FASN: variants seen among roughly 807,000 people sequenced by gnomAD.
FASN encodes 3-hydroxyacyl-[acyl-carrier-protein] dehydratase.
A neutral mutation model predicts 250.0 loss-of-function variants in FASN; 50 were observed. The observed-to-expected ratio is 0.20, with a 90% CI of 0.16 to 0.25. The LOEUF (loss-of-function observed/expected upper bound fraction) is 0.25. Among genes scored for constraint, FASN ranks in the 10% least tolerant of loss-of-function variants. The pLI is 1.00. For missense variants in FASN, 3,031 were observed against 3,498.5 expected, an observed-to-expected ratio of 0.87 and a Z score of 3.37; for synonymous variants, 1,909 against 1,584.0, an observed-to-expected ratio of 1.21 and a Z score of -4.87.
chr17:82,080,446 T>C lies in FASN; in HGVS notation c.6971A>G (p.Gln2324Arg), dbSNP rs2033966480. The C allele has an allele frequency of 6.3e-7, 1 of 1,594,858 alleles. No individual in the cohort carries two copies. Among genetic ancestry groups the C allele is most frequent in the Non-Finnish European group, 8.5e-7 (1 of 1,171,532 alleles). ...GTTGTGGGTGGGGGCTGGGCTCTGC[T>C]GGGCCTGCAGCTGGGAGCACATTTC... is the stretch of plus-strand genomic sequence containing the variant. ...AFEMCSQLQA[Q>R]QSPAPTHNSL... The change falls in exon 40 of 43, where the codon CAG (glutamine) becomes CGG (arginine). Residue 2324 changes from glutamine (Q) to arginine (R), a missense_variant. By Grantham distance (43) the Gln-to-Arg change is conservative (BLOSUM62 1). Transcript: ENST00000306749.
intron 23 of FASN, 22 bp downstream of exon 23, chr17:82,085,460 T>C: frequency 6.3e-7 from 1 of 1,592,078 alleles, no homozygotes. Context: ...CCCCACCCTG[T>C]CCCCCTGCCC....
intron 2 of FASN, among the ~76,000 whole-genome samples, chr17:82,095,713 C>T (rs934938714): frequency 6.6e-6 from 1 of 152,182 alleles, no homozygotes; most frequent in Non-Finnish European, 1.5e-5. Context: ...TGAGATGGGC[C>T]GCAGAGCAGA....
intron 5 of FASN, 57 bp from the exon 6 acceptor site, chr17:82,093,076 C>T: frequency 6.2e-7 from 1 of 1,604,470 alleles, no homozygotes. Flanking sequence ...CCCCACCCCA[C>T]CAGGAGGAGC....
intron 7 of FASN, 28 bp downstream of exon 7, chr17:82,092,669 T>C: frequency 2.7e-6 from 2 of 750,240 alleles, no homozygotes; most frequent in Non-Finnish European, 3.7e-6. Context: ...CATGGGGTGG[T>C]GAGTGGGGCG....
intron 8 of FASN, among the ~76,000 whole-genome samples, 157 bp from the exon 9 acceptor site, chr17:82,091,841 G>A (rs1186780342): frequency 6.6e-6 from 1 of 152,150 alleles, no homozygotes; most frequent in Non-Finnish European, 1.5e-5. Flanking sequence ...CATGGCACAG[G>A]GGTCCGAGGA....
At position 82,096,442 on chromosome 17, in the gene FASN, C is replaced by T. The variant is rs1490548444; in HGVS notation, c.4G>A (p.Glu2Lys). 6.2e-7 allele frequency: 1 copy of T among 1,612,058 alleles called. No homozygotes were observed. The change falls in exon 2 of 43, where the codon GAG becomes AAG. Residue 2 changes from glutamate (E) to lysine (K), a missense_variant. By Grantham distance (56) the Glu-to-Lys change is moderately conservative (BLOSUM62 1). Transcript: ENST00000306749. Reference protein sequence around the residue: MEEVVIAGMSGK... With the variant: MKEVVIAGMSGK... ...GACATGCCGGCAATCACCACCTCCT[C>T]CATGGCTGCTCTGCAGGGCGGGCGG...
rs1183552568 is a variant in FASN at position 82,092,943 on chromosome 17, G to A, written c.732C>T (p.Ala244=). The A allele has an allele frequency of 3.7e-6, 6 of 1,609,752 alleles. No individual in the cohort carries two copies. In the Middle Eastern group the frequency reaches 4.9e-4, roughly 133 times the overall value. Residue 244 remains alanine, a synonymous_variant, in exon 6 of 43, where the codon GCC becomes GCT. Coordinates refer to ENST00000306749, the MANE Select transcript of FASN (RefSeq NM_004104.5). The part of the protein sequence containing the change: ...TKKSLARRVY[A]TILNAGTNTD... ...TATTGGTGCCGGCGTTCAGGATGGT[G>A]GCGTACACCCGCCGGGCCAGGGACT... is the stretch of plus-strand genomic sequence containing the variant.
At position 82,078,640 on chromosome 17, in the gene FASN, C is replaced by A. The variant is rs535079757; in HGVS notation, c.*503G>T. The A allele has an allele frequency of 7.8e-5, 17 of 217,400 alleles. No homozygotes were observed. The highest frequency in any genetic ancestry group is 3.2e-4 in the Admixed American group (6 of 18,920). 13.5% of individuals were successfully genotyped at this position (217,400 alleles called of 1,614,324 possible). A position where few individuals can be genotyped will look rare whatever the true frequency, so the allele number is the denominator to read the frequency against. ...CCTCGGGGACTGGCCCACGACCCCC[C>A]ACTCAGCGGGCTGAGCCAATGCCTG... On this transcript the variant is annotated 3_prime_UTR_variant, in exon 43 of 43. Transcript: ENST00000306749. This position sits in a 1 kb window ranked among gnomAD's most constrained non-coding sequence, Gnocchi z 5.4.
chr17:82,086,812 C>A (rs1167254582), intron 21 of FASN, among the ~76,000 whole-genome samples: 1 of 151,358 alleles, frequency 6.6e-6, no homozygotes, highest in South Asian at 2.1e-4. Flanking sequence ...TAGGCTGAAT[C>A]TGTCATCTTT....
Position 82,087,176 on chromosome 17 carries a change from A to C in FASN, c.3301T>G (p.Ser1101Ala), listed in dbSNP as rs2144793729. The C allele has an allele frequency of 6.2e-7, 1 of 1,609,048 alleles. No homozygotes were observed. Among genetic ancestry groups the C allele is most frequent in the Non-Finnish European group, 8.5e-7 (1 of 1,178,804 alleles). The change falls in exon 21 of 43, where the codon TCG becomes GCG. Residue 1101 changes from serine (S) to alanine (A), a missense_variant. Ser to Ala is a moderately conservative substitution (Grantham distance 99). Transcript: ENST00000306749. Reference protein sequence around the residue: ...GVHISGLHTESAPRRQQEQQV... With the variant: ...GVHISGLHTEAAPRRQQEQQV... Reference sequence around the variant, plus strand: ...TGCTCCTGCTGCCGCCGCGGGGCCGACTCAGTGTGGAGCCCGGAGATGTGG... The same window carrying C: ...TGCTCCTGCTGCCGCCGCGGGGCCGCCTCAGTGTGGAGCCCGGAGATGTGG...
At chr17:82,085,191 G>C in intron 24 of FASN, 35 bp from the exon 25 acceptor site, 1 of 1,612,402 alleles carries the variant, frequency 6.2e-7, no homozygotes. Context: ...GCCACACTCG[G>C]CAAGTTGGGA....
rs1250533640 is a variant in FASN, at chr17:82,092,757, C to A, written c.834G>T (p.Gln278His). 1 of 1,606,284 alleles carries A rather than the reference C, an allele frequency of 6.2e-7. No homozygotes were observed. The highest frequency in any genetic ancestry group is 8.5e-7 in the Non-Finnish European group (1 of 1,177,928). ...ATGACTCAGGGGCCACTCCGGCCGA[C>A]TGGTACAACGAGCGGATGAGCTGCT... is the stretch of plus-strand genomic sequence containing the variant. ...IQEQLIRSLY[Q>H]SAGVAPESFE... The change falls in exon 7 of 43, where the codon CAG becomes CAT. Residue 278 changes from glutamine to histidine, a missense_variant. Gln to His is a conservative substitution (Grantham distance 24). Transcript: ENST00000306749.
chr17:82,089,319 G>A lies in FASN; in HGVS notation c.2031C>T (p.Thr677=), dbSNP rs142888599. 63 of 1,612,754 alleles carry A rather than the reference G, an allele frequency of 3.9e-5. No homozygotes were observed. The African/African-American group carries it at 5.5e-4, about 14-fold the overall frequency. Residue 677 remains threonine (T), a synonymous_variant, in exon 13 of 43, where the codon ACC becomes ACT. Transcript: ENST00000306749. The part of the protein sequence containing the change: ...KEGVFAKEVR[T]GGMAFHSYFM... ...AGTAGGAGTGGAAGGCCATACCGCCGGTCCGCACCTCCTTGGCAAACACAC... is the reference window on the plus strand; with the variant it reads ...AGTAGGAGTGGAAGGCCATACCGCCAGTCCGCACCTCCTTGGCAAACACAC...
chr17:82,085,004 A>AAGGGGAAGTGGTG, intron 25 of FASN, 31 bp downstream of exon 25: 1 of 1,586,962 alleles, frequency 6.3e-7, no homozygotes, highest in Non-Finnish European at 8.6e-7. Flanking sequence ...GCTGGTGGGG[A>AAGGGGAAGTGGTG]AGGGGAAGTG....
At chr17:82,087,887 C>T (rs1343934861) in intron 18 of FASN, 26 bp from the exon 19 acceptor site, 1 of 1,612,520 alleles carries the variant, frequency 6.2e-7, no homozygotes, top group Admixed American at 1.7e-5. Flanking sequence ...TGCGGAAGGG[C>T]CTGAGGACGG....
At position 82,091,257 on chromosome 17, in the gene FASN, G is replaced by T; in HGVS notation, c.1457C>A (p.Pro486His). The change falls in exon 9 of 43, where the codon CCC becomes CAC. Residue 486 changes from proline (P) to histidine (H), a missense_variant. By Grantham distance (77) the Pro-to-His change is moderately conservative. Transcript: ENST00000306749. ...GAACCAGAGCGGGCGCTCGCCAGCG[G>T]GCACCTGCTGCACCTCTGGGCCACC... ...ERGGPEVQQVPAGERPLWFIC... is the reference protein window; with the variant it reads ...ERGGPEVQQVHAGERPLWFIC... 1 of 1,602,530 alleles carries T rather than the reference G, an allele frequency of 6.2e-7. No individual in the cohort carries two copies. Among genetic ancestry groups the T allele is most frequent in the Non-Finnish European group, 8.5e-7 (1 of 1,174,784 alleles).
rs768896515 is a variant in FASN, at chr17:82,088,977, G to A, written c.2296C>T (p.Leu766=). ...AVVLEIAPHA[L]LQAVLKRGLK... is the part of the protein sequence containing the mutation. ...CCCCAGGCTGGGCCTACCTGCAGCA[G>A]GGCGTGGGGCGCGATCTCCAGCACC... The change falls in exon 14 of 43, where the codon CTG becomes TTG. Residue 766 remains leucine (L), a synonymous_variant. Transcript: ENST00000306749. 3 of 1,609,308 alleles carry A rather than the reference G, an allele frequency of 1.9e-6. No individual in the cohort carries two copies. The highest frequency in any genetic ancestry group is 2.2e-5 in the East Asian group (1 of 44,580).
Position 82,083,994 on chromosome 17 carries a change from G to A in FASN, c.5079C>T (p.Cys1693=). ...CCTTACCCACGGTGGTGAAGACGCG[G>A]CAGCCCAGACTGAGGGCGATGGCGA... ...AAIAIALSLG[C]RVFTTVGSAE... is the part of the protein sequence containing the mutation. The change falls in exon 29 of 43, where the codon TGC becomes TGT. Residue 1693 remains cysteine (C), a synonymous_variant. Transcript: ENST00000306749. 2.6e-6 allele frequency: 4 copies of A among 1,539,316 alleles called. No homozygotes were observed. Among genetic ancestry groups the A allele is most frequent in the East Asian group, 2.4e-5 (1 of 40,844 alleles).
At position 82,088,076 on chromosome 17, in the gene FASN, C is replaced by T. The variant is rs377183321; in HGVS notation, c.2785+40G>A. ...TTGGAGATCAGAGGGCAGCACCCGC[C>T]CCCCAGCTACCCCCGCCTTGGTCCT... On this transcript the variant is annotated intron_variant, in intron 17 of 42. Transcript: ENST00000306749. 12 of 1,612,386 alleles carry T rather than the reference C, an allele frequency of 7.4e-6. No homozygotes were observed. In the African/African-American group the frequency reaches 1.3e-4, roughly 18 times the overall value.
Sources: gnomAD v4.1 joint callset for allele counts (sites outside exome capture counted in the v4.1 genomes callset) on GRCh38, gnomAD v4.1.1 for gene constraint, Gnocchi (gnomAD v3.1) non-coding constraint, MANE v1.5 for transcripts, NCBI Gene and HGNC (gene_info 2026-07-23, HGNC 2026-07-21) for gene names.